The following TRAF3 variants were observed in gnomAD, a reference collection of about 807,000 sequenced individuals.
TRAF3 encodes the protein TNF receptor-associated factor 3.
TRAF3 carries 13 observed loss-of-function variants against 62.3 expected under a neutral mutation model. The ratio of observed to expected loss-of-function variants is 0.21; its 90% CI spans 0.14 to 0.33. The LOEUF is 0.33. Ranked by LOEUF, TRAF3 falls within the 10% of genes least tolerant of loss-of-function variation. TRAF3 has a pLI of 1.00. For synonymous variants in TRAF3, 269 were observed against 283.4 expected (o/e 0.95, Z 0.51); for missense variants, 440 against 741.8 (o/e 0.59, Z 4.73).
chr14:102,904,934 A>C (rs2140008966), intron 11 of TRAF3, among the ~76,000 whole-genome samples: 1 of 152,268 alleles, frequency 6.6e-6, no homozygotes. Flanking sequence ...CAACATGGCG[A>C]AACCCTGTCC....
rs191297364 is a variant in TRAF3, at chr14:102,885,064, T to C, written c.571-1125T>C. On this transcript the variant is annotated intron_variant, in intron 6 of 11. Transcript: ENST00000392745. ...CACAGTGCTGCCCTCCACTCCCTTC[T>C]TTCTCAGCCTCCCTGCCCTGAGCCC... Among the ~76,000 whole-genome samples the C allele has an allele frequency of 1.1e-4, 16 of 152,280 alleles. 1 individual carries two copies. The highest frequency in any genetic ancestry group is 3.9e-4 in the African/African-American group (16 of 41,556).
intron 1 of TRAF3, among the ~76,000 whole-genome samples, chr14:102,818,403 A>C (rs1899672985): frequency 6.6e-6 from 1 of 152,142 alleles, no homozygotes; most frequent in Non-Finnish European, 1.5e-5. Context: ...TCACCCACGG[A>C]AGTTACTTCA....
chr14:102,866,008 GCAAAGACTTGGAACCAACC>G (rs1887968124), intron 2 of TRAF3: 1 of 152,126 alleles, frequency 6.6e-6, no homozygotes, highest in African/African-American at 2.4e-5. Flanking sequence ...ATTTACAATA[GCAAAGACTTGGAACCAACC>G]CAAATGCCCA....
At chr14:102,848,633 T>C (rs1306322660) in intron 2 of TRAF3, among the ~76,000 whole-genome samples, 1 of 152,222 alleles carries the variant, frequency 6.6e-6, no homozygotes, top group Non-Finnish European at 1.5e-5. Flanking sequence ...TCTGGTATTT[T>C]TAGTTTGTTT....
At chr14:102,897,663 C>T (rs892011298) in intron 10 of TRAF3, among the ~76,000 whole-genome samples, 1 of 152,182 alleles carries the variant, frequency 6.6e-6, no homozygotes, top group Non-Finnish European at 1.5e-5. Flanking sequence ...CTTTGATCTA[C>T]CGTTGGAGAA....
rs765730979 is a variant in TRAF3, at chr14:102,906,152, C to T, written c.*368C>T. On this transcript the variant is annotated 3_prime_UTR_variant, in exon 12 of 12. Coordinates refer to ENST00000392745, the MANE Select transcript of TRAF3 (RefSeq NM_145725.3). ...CCAAAAAAACACACACACACACACA[C>T]GTGGGGATAGCTGGACATGTCAGCA... 64 of 193,198 alleles carry T rather than the reference C, an allele frequency of 3.3e-4. No homozygotes were observed. Among genetic ancestry groups the T allele is most frequent in the Admixed American group, 6.4e-4 (12 of 18,772 alleles). The allele number at this position is 193,198 out of a possible 1,614,324, so 12.0% of individuals were successfully genotyped here. A position where few individuals can be genotyped will look rare whatever the true frequency, so the allele number is the denominator to read the frequency against.
At chr14:102,819,516 A>G (rs1477306353) in intron 1 of TRAF3, among the ~76,000 whole-genome samples, 1 of 152,226 alleles carries the variant, frequency 6.6e-6, no homozygotes, top group Non-Finnish European at 1.5e-5. Flanking sequence ...GAACACATGT[A>G]TAAACTAGAC....
intron 2 of TRAF3, among the ~76,000 whole-genome samples, chr14:102,844,180 T>G (rs761156429): frequency 6.6e-6 from 1 of 152,270 alleles, no homozygotes; most frequent in Non-Finnish European, 1.5e-5. Context: ...ACCTATACAG[T>G]TCTTGAGTAC....
At chr14:102,828,753 TATTTA>T (rs1900476597) in intron 1 of TRAF3, among the ~76,000 whole-genome samples, 1 of 152,236 alleles carries the variant, frequency 6.6e-6, no homozygotes, top group Admixed American at 6.5e-5. Flanking sequence ...AGACTTATCT[TATTTA>T]GTCTTGACAA....
chr14:102,880,470 A>G (rs1021500598), intron 6 of TRAF3, among the ~76,000 whole-genome samples: 1 of 152,352 alleles, frequency 6.6e-6, no homozygotes, highest in African/African-American at 2.4e-5. Flanking sequence ...AGATGCTGGC[A>G]AGGTTGCAGA....
rs1038856639 is a variant in TRAF3, at chr14:102,862,809, T to A, written c.-17-7376T>A. ...TTATTTTCTTCATTATTTTTTCTTC[T>A]GTTCCTTACACTTTATAATCTCAAT... On this transcript the variant is annotated intron_variant, in intron 2 of 11. Coordinates refer to ENST00000392745, the MANE Select transcript of TRAF3 (RefSeq NM_145725.3). 2.0e-5 allele frequency among the ~76,000 whole-genome samples: 3 copies of A among 152,202 alleles called. No individual in the cohort carries two copies. The South Asian group carries it at 6.2e-4, about 31-fold the overall frequency.
intron 2 of TRAF3, among the ~76,000 whole-genome samples, chr14:102,851,347 T>G (rs1337173657): frequency 1.3e-5 from 2 of 152,222 alleles, no homozygotes; most frequent in African/African-American, 4.8e-5. Context: ...CAATCTCACT[T>G]ATTTCTTGCC....
At chr14:102,862,734 A>G (rs1422967783) in intron 2 of TRAF3, among the ~76,000 whole-genome samples, 1 of 151,990 alleles carries the variant, frequency 6.6e-6, no homozygotes, top group East Asian at 1.9e-4. Flanking sequence ...AAGACCCTAT[A>G]ATATGTATGT....
intron 5 of TRAF3, 67 bp downstream of exon 5, chr14:102,875,795 G>A: frequency 1.5e-6 from 2 of 1,363,766 alleles, no homozygotes; most frequent in South Asian, 1.2e-5. Flanking sequence ...TCCAGCTGAT[G>A]AAGTGGTCAG....
chr14:102,911,298 C>G lies in TRAF3; in HGVS notation c.*5514C>G, dbSNP rs769901396. The G allele has an allele frequency of 6.6e-6, 1 of 152,224 alleles. No individual in the cohort carries two copies. The highest frequency in any genetic ancestry group is 1.5e-5 in the Non-Finnish European group (1 of 68,050). 9.4% of individuals were successfully genotyped at this position (152,224 alleles called of 1,614,324 possible). A position where few individuals can be genotyped will look rare whatever the true frequency, so the allele number is the denominator to read the frequency against. ...TACTGTGAGTTAGCAACATGCCTGA[C>G]TTCCTGATAGCATTACTGTTTTCTA... is the stretch of plus-strand genomic sequence containing the variant. On this transcript the variant is annotated 3_prime_UTR_variant, in exon 12 of 12. Coordinates refer to ENST00000392745, the MANE Select transcript of TRAF3 (RefSeq NM_145725.3).
intron 2 of TRAF3, among the ~76,000 whole-genome samples, chr14:102,831,400 C>T (rs981741030): frequency 6.6e-6 from 1 of 152,202 alleles, no homozygotes; most frequent in Non-Finnish European, 1.5e-5. Context: ...ACTGTGTCCC[C>T]AAGCTCAGCA....
At chr14:102,825,331 G>A (rs1157514106) in intron 1 of TRAF3, among the ~76,000 whole-genome samples, 1 of 152,212 alleles carries the variant, frequency 6.6e-6, no homozygotes, top group Non-Finnish European at 1.5e-5. Context: ...CGGGGACCTG[G>A]CACCCGTGCA....
chr14:102,854,542 C>T (rs1043181512), intron 2 of TRAF3, among the ~76,000 whole-genome samples: 16 of 152,164 alleles, frequency 1.1e-4, no homozygotes, highest in African/African-American at 3.1e-4. Flanking sequence ...TTTGTGTTGC[C>T]CAGGCTGCAG....
chr14:102,825,675 G>T (rs1900268448), intron 1 of TRAF3, among the ~76,000 whole-genome samples: 1 of 152,274 alleles, frequency 6.6e-6, no homozygotes, highest in Admixed American at 6.5e-5. Context: ...GAGTCATCCT[G>T]CAGCGCTGCC....
Sources: gnomAD v4.1 joint callset for allele counts (sites outside exome capture counted in the v4.1 genomes callset) on GRCh38, gnomAD v4.1.1 for gene constraint, MANE v1.5 for transcripts, NCBI Gene and HGNC (gene_info 2026-07-23, HGNC 2026-07-21) for gene names.